The following CHD5 variants were observed in gnomAD, a reference collection of about 807,000 sequenced individuals.
The protein encoded by CHD5 is ATP-dependent chromatin remodeler CHD5.
CHD5 carries 69 observed loss-of-function variants against 230.3 expected under a neutral mutation model. The observed-to-expected ratio is 0.30, with a 90% CI of 0.25 to 0.37. The LOEUF is 0.37. Ranked by LOEUF, CHD5 falls within the 10% of genes least tolerant of loss-of-function variation. The pLI, the probability that CHD5 is intolerant of heterozygous loss-of-function variation, is 1.00. For missense variants in CHD5, 1,827 were observed against 2,622.8 expected, an observed-to-expected ratio of 0.70 and a Z score of 6.63; for synonymous variants, 1,064 against 1,065.9, an observed-to-expected ratio of 1.00 and a Z score of 0.03.
rs1667063974 is a variant in CHD5, at chr1:6,155,263, C to T, written c.506+336G>A. Among the ~76,000 whole-genome samples, 1 of 152,186 alleles carries T rather than the reference C, an allele frequency of 6.6e-6. No individual in the cohort carries two copies. On this transcript the variant is annotated intron_variant, in intron 4 of 41. Coordinates refer to ENST00000262450, the MANE Select transcript of CHD5 (RefSeq NM_015557.3). This position sits in a 1 kb window ranked among gnomAD's most constrained non-coding sequence, Gnocchi z 4.0. ...TCAGGCCCTGCAAGACTTGTGGGGC[C>T]ACAGGTGGGCTACAGTGGGCCTTGG... is the stretch of plus-strand genomic sequence containing the variant.
chr1:6,133,465 G>C (rs989711251), intron 20 of CHD5, among the ~76,000 whole-genome samples: 2 of 152,246 alleles, frequency 1.3e-5, no homozygotes, highest in Non-Finnish European at 2.9e-5. Flanking sequence ...CTCTGGGTTT[G>C]AGCAAGGGGC....
intron 18 of CHD5, 130 bp downstream of exon 18, chr1:6,135,100 G>A (rs1666718208): frequency 8.9e-7 from 1 of 1,129,828 alleles, no homozygotes; most frequent in Non-Finnish European, 1.3e-6. Flanking sequence ...CACGAAGAAA[G>A]TGTATGCAAA....
chr1:6,125,678 G>C lies in CHD5; in HGVS notation c.4172-66C>G. 6.2e-7 allele frequency: 1 copy of C among 1,602,566 alleles called. No individual in the cohort carries two copies. Among genetic ancestry groups the C allele is most frequent in the Non-Finnish European group, 8.5e-7 (1 of 1,169,678 alleles). On this transcript the variant is annotated intron_variant, in intron 27 of 41. Transcript: ENST00000262450. The surrounding 1 kb of genome is among the most constrained non-coding windows in gnomAD (Gnocchi z 6.7). Reference sequence around the variant, plus strand: ...GAGATTCCTGATCCCCAAGGACAGCGGGACCCCAGACCAGCCCCGCTCCTG... The same window carrying C: ...GAGATTCCTGATCCCCAAGGACAGCCGGACCCCAGACCAGCCCCGCTCCTG...
intron 2 of CHD5, among the ~76,000 whole-genome samples, chr1:6,162,835 G>A (rs1006845759): frequency 1.3e-5 from 2 of 152,212 alleles, no homozygotes; most frequent in African/African-American, 2.4e-5. Context: ...CGGTACAGAG[G>A]GAGCAGGACC....
intron 33 of CHD5, among the ~76,000 whole-genome samples, chr1:6,115,426 C>G (rs1666364708): frequency 6.6e-6 from 1 of 152,168 alleles, no homozygotes; most frequent in African/African-American, 2.4e-5. Context: ...CGTTTTGCGG[C>G]ACGGGTGACC....
chr1:6,112,276 A>T lies in CHD5; in HGVS notation c.5004T>A (p.Asp1668Glu), dbSNP rs1666304640. 1.2e-6 allele frequency: 2 copies of T among 1,613,888 alleles called. No homozygotes were observed. Among genetic ancestry groups the T allele is most frequent in the Non-Finnish European group, 1.7e-6 (2 of 1,179,948 alleles). Reference protein sequence around the residue: ...SRGDSSELRPDDTKAEEKEPI... With the variant: ...SRGDSSELRPEDTKAEEKEPI... ...GCTCCTTCTCCTCAGCCTTGGTGTC[A>T]TCTGCCGGGGACAGATCACATTCAT... The change falls in exon 35 of 42, where the codon GAT becomes GAA. Residue 1668 changes from aspartate (D) to glutamate (E), a missense_variant and splice_region_variant. This residue lies in a region of CHD5 where 272 missense variants were observed against 263.2 expected (regional missense o/e 1.03). Coordinates refer to ENST00000262450, the MANE Select transcript of CHD5 (RefSeq NM_015557.3).
In CHD5 at chr1:6,128,395, C is replaced by G; in HGVS notation, c.3730+104G>C. The G allele has an allele frequency of 8.8e-7, 1 of 1,142,166 alleles. No homozygotes were observed. Among genetic ancestry groups the G allele is most frequent in the Non-Finnish European group, 1.3e-6 (1 of 780,818 alleles). 70.8% of individuals were successfully genotyped at this position (1,142,166 alleles called of 1,614,324 possible). Reference sequence around the variant, plus strand: ...ACAGCCCCACTCGCCGCCCACCTGGCAGTCCCAGGACGCCCAAGTGAGGGC... The same window carrying G: ...ACAGCCCCACTCGCCGCCCACCTGGGAGTCCCAGGACGCCCAAGTGAGGGC... On this transcript the variant is annotated intron_variant, in intron 24 of 41. Transcript: ENST00000262450. This position sits in a 1 kb window ranked among gnomAD's most constrained non-coding sequence, Gnocchi z 7.8.
At position 6,128,932 on chromosome 1, in the gene CHD5, G is replaced by A. The variant is rs116762924; in HGVS notation, c.3525C>T (p.Pro1175=). Reference sequence around the variant, plus strand: ...TGGACCCCGACTTGGAGCCGAGGCCGGGCCGCACCACCAGGTGGGTGAGCA... The same window carrying A: ...TGGACCCCGACTTGGAGCCGAGGCCAGGCCGCACCACCAGGTGGGTGAGCA... ...KMMLTHLVVR[P]GLGSKSGSMT... The change falls in exon 23 of 42, where the codon CCC becomes CCT. Residue 1175 remains proline (P), a synonymous_variant. Transcript: ENST00000262450. This position sits in a 1 kb window ranked among gnomAD's most constrained non-coding sequence, Gnocchi z 7.8. 519 of 1,613,266 alleles carry A rather than the reference G, an allele frequency of 3.2e-4. 2 individuals are homozygous for A. In the African/African-American group the frequency reaches 4.6e-3, roughly 14 times the overall value.
At chr1:6,152,080 C>T (rs1013171141) in intron 6 of CHD5, among the ~76,000 whole-genome samples, 2 of 152,102 alleles carry the variant, frequency 1.3e-5, no homozygotes, top group Admixed American at 6.5e-5. Context: ...GGACAGATCC[C>T]TCCACCTCCT....
At chr1:6,161,233 C>T (rs1335725392) in intron 2 of CHD5, among the ~76,000 whole-genome samples, 1 of 152,110 alleles carries the variant, frequency 6.6e-6, no homozygotes, top group Non-Finnish European at 1.5e-5. Context: ...CCAACTCTGC[C>T]CTTTCAGGCC....
chr1:6,131,876 G>T lies in CHD5; in HGVS notation c.3145-128C>A, dbSNP rs1313752433. 1.4e-5 allele frequency: 9 copies of T among 652,914 alleles called. No individual in the cohort carries two copies. In the Admixed American group the frequency reaches 2.2e-4, roughly 16 times the overall value. The allele number at this position is 652,914 out of a possible 1,614,324, so 40.4% of individuals were successfully genotyped here. A position where few individuals can be genotyped will look rare whatever the true frequency, so the allele number is the denominator to read the frequency against. On this transcript the variant is annotated intron_variant, in intron 20 of 41. Transcript: ENST00000262450. This position sits in a 1 kb window ranked among gnomAD's most constrained non-coding sequence, Gnocchi z 5.0. ...TAGGTGGGGAGACAGCTGGGACCCA[G>T]GCAGGCCCAATGCAGGACTCTGGGG... is the stretch of plus-strand genomic sequence containing the variant.
chr1:6,164,457 T>C (rs1302050542), intron 2 of CHD5, among the ~76,000 whole-genome samples: 2 of 152,210 alleles, frequency 1.3e-5, no homozygotes, highest in Non-Finnish European at 2.9e-5. Context: ...CATCTACATA[T>C]GCTCAGGTTC....
chr1:6,106,771 G>A lies in CHD5; in HGVS notation c.5587C>T (p.Gln1863Ter), dbSNP rs1377503976. 1 of 1,610,738 alleles carries A rather than the reference G, an allele frequency of 6.2e-7. No individual in the cohort carries two copies. Among genetic ancestry groups the A allele is most frequent in the Non-Finnish European group, 8.5e-7 (1 of 1,179,300 alleles). ...ANAVLHKVLN[Q>*]LEELLSDMKA... Reference sequence around the variant, plus strand: ...ATGTCGCTCAGCAGCTCCTCCAGCTGGTTCAGGACTGTGGTGGGAGGCGGA... The same window carrying A: ...ATGTCGCTCAGCAGCTCCTCCAGCTAGTTCAGGACTGTGGTGGGAGGCGGA... The change falls in exon 39 of 42, where the codon CAG becomes TAG. Residue 1863 changes from glutamine (Q) to a stop codon, truncating the protein, a stop_gained. Coordinates refer to ENST00000262450, the MANE Select transcript of CHD5 (RefSeq NM_015557.3). LOFTEE classifies it high-confidence loss of function.
chr1:6,154,953 A>T lies in CHD5; in HGVS notation c.507-55T>A. On this transcript the variant is annotated intron_variant, in intron 4 of 41. Coordinates refer to ENST00000262450, the MANE Select transcript of CHD5 (RefSeq NM_015557.3). This position sits in a 1 kb window ranked among gnomAD's most constrained non-coding sequence, Gnocchi z 7.0. ...CAAGGCCAGGTGAGATGAGAGGCCC[A>T]CCCGACCCCCGGCAGGGCCCACCCC... is the stretch of plus-strand genomic sequence containing the variant. 1 of 1,504,710 alleles carries T rather than the reference A, an allele frequency of 6.6e-7. No homozygotes were observed. The highest frequency in any genetic ancestry group is 9.1e-7 in the Non-Finnish European group (1 of 1,096,598). 93.2% of individuals were successfully genotyped at this position (1,504,710 alleles called of 1,614,324 possible).
chr1:6,179,536 G>T (rs1667479833), intron 1 of CHD5, among the ~76,000 whole-genome samples: 1 of 151,624 alleles, frequency 6.6e-6, no homozygotes, highest in African/African-American at 2.4e-5. Flanking sequence ...TGCCCGCAGC[G>T]AGGCCAGAGG....
Position 6,114,729 on chromosome 1 carries a change from G to A in CHD5, c.4913-1731C>T, listed in dbSNP as rs58698961. On this transcript the variant is annotated intron_variant, in intron 33 of 41. Transcript: ENST00000262450. ...GAAAAAGAAGGAAGAGAATCCACAGGGAAAGAATAAGACTCCCTCAAAACT... is the reference window on the plus strand; with the variant it reads ...GAAAAAGAAGGAAGAGAATCCACAGAGAAAGAATAAGACTCCCTCAAAACT... Among the ~76,000 whole-genome samples the A allele has an allele frequency of 7.2e-4, 109 of 151,910 alleles. 2 individuals carry two copies. The East Asian group carries it at 0.018, about 25-fold the overall frequency.
rs543210156 is a variant in CHD5 at position 6,166,751 on chromosome 1, G to A, written c.207+1399C>T. On this transcript the variant is annotated intron_variant, in intron 2 of 41. Transcript: ENST00000262450. ...CACAGACCCGAGGCCCAGAGGCGAA[G>A]GCAGGGACCCTCGCCCCCCACCACC... Among the ~76,000 whole-genome samples, 398 of 152,178 alleles carry A rather than the reference G, an allele frequency of 2.6e-3. 4 individuals are homozygous for A. The highest frequency in any genetic ancestry group is 9.0e-3 in the African/African-American group (374 of 41,494).
In CHD5 at chr1:6,146,622, C is replaced by T; in HGVS notation, c.1590+43G>A. 6.3e-7 allele frequency: 1 copy of T among 1,599,006 alleles called. No individual in the cohort carries two copies. The highest frequency in any genetic ancestry group is 8.6e-7 in the Non-Finnish European group (1 of 1,166,924). On this transcript the variant is annotated intron_variant, in intron 10 of 41. Coordinates refer to ENST00000262450, the MANE Select transcript of CHD5 (RefSeq NM_015557.3). The surrounding 1 kb of genome is among the most constrained non-coding windows in gnomAD (Gnocchi z 5.1). ...CCAGCCCAGGAGGGTCCAGGGCTCA[C>T]CAGGTCCCGGGCCTTAGCACAGCCA...
Position 6,136,939 on chromosome 1 carries a change from C to T in CHD5, c.2437-74G>A, listed in dbSNP as rs376477515. On this transcript the variant is annotated intron_variant, in intron 15 of 41. Coordinates refer to ENST00000262450, the MANE Select transcript of CHD5 (RefSeq NM_015557.3). Reference sequence around the variant, plus strand: ...ATCACAGTCCCAGGAGACAAAGAGCCAAGAAGGAGGTGTGCACAGGAACCC... The same window carrying T: ...ATCACAGTCCCAGGAGACAAAGAGCTAAGAAGGAGGTGTGCACAGGAACCC... 7.8e-5 allele frequency: 116 copies of T among 1,483,430 alleles called. 2 individuals are homozygous for T. The highest frequency in any genetic ancestry group is 4.9e-4 in the East Asian group (21 of 43,232). The allele number at this position is 1,483,430 out of a possible 1,614,324, so 91.9% of individuals were successfully genotyped here.
Sources: allele counts gnomAD v4.1 joint callset (sites outside exome capture counted in the v4.1 genomes callset), GRCh38; gene constraint gnomAD v4.1.1; regional missense constraint gnomAD v4.1.1; non-coding constraint Gnocchi (gnomAD v3.1); transcripts MANE v1.5; gene names NCBI Gene and HGNC (gene_info 2026-07-23, HGNC 2026-07-21).